DACH2: variants seen among roughly 807,000 people sequenced by gnomAD.
The protein encoded by DACH2 is dachshund homolog 2.
In DACH2, 17 loss-of-function variants were observed where a neutral mutation model predicts 35.8. The ratio of observed to expected loss-of-function variants is 0.48; its 90% CI spans 0.33 to 0.71. The LOEUF (loss-of-function observed/expected upper bound fraction) is 0.71, where lower values mean the gene tolerates loss of function less well. Ranked by LOEUF, DACH2 falls within the 30% of genes least tolerant of loss-of-function variation. The probability of loss-of-function intolerance (pLI) is 0.02; values close to 1 mark genes in which losing one functional copy is unlikely to be tolerated. For synonymous variants in DACH2, 195 were observed against 177.3 expected, an observed-to-expected ratio of 1.10 and a Z score of -0.79; for missense variants, 469 against 472.7, an observed-to-expected ratio of 0.99 and a Z score of 0.07.
chrX:86,423,647 G>T (rs1466080999), intron 2 of DACH2, among the ~76,000 whole-genome samples: 1 of 109,703 alleles, frequency 9.1e-6, no homozygotes, highest in Non-Finnish European at 1.9e-5. Flanking sequence ...TTACTATGCA[G>T]AAGCTTTTTA....
At chrX:86,714,136 G>T (rs1228239000) in intron 5 of DACH2, among the ~76,000 whole-genome samples, 1 of 111,570 alleles carries the variant, frequency 9.0e-6, no homozygotes, top group Non-Finnish European at 1.9e-5. Flanking sequence ...CCTCTATTAA[G>T]TGTCTTAAAG....
chrX:86,756,666 A>G (rs1193856419), intron 7 of DACH2, among the ~76,000 whole-genome samples: 3 of 111,211 alleles, frequency 2.7e-5, no homozygotes, highest in African/African-American at 9.8e-5. Context: ...ATATAAGATT[A>G]TGTCATCTGC....
chrX:86,761,652 GC>G (rs1488661181), intron 7 of DACH2, among the ~76,000 whole-genome samples: 23 of 111,886 alleles, frequency 2.1e-4, no homozygotes, highest in Admixed American at 1.2e-3. Context: ...CAACCCAAGT[GC>G]CCATCAATTA....
intron 3 of DACH2, among the ~76,000 whole-genome samples, chrX:86,617,275 G>A (rs773932207): frequency 5.4e-5 from 6 of 110,292 alleles, no homozygotes; most frequent in Admixed American, 9.7e-5. Flanking sequence ...TGTTCCATAC[G>A]AATTCTAAAA....
chrX:86,195,584 G>A lies in DACH2; in HGVS notation c.488+46476G>A, dbSNP rs756629277. 1.2e-4 allele frequency among the ~76,000 whole-genome samples: 14 copies of A among 112,356 alleles called. No individual in the cohort carries two copies. In the Admixed American group the frequency reaches 1.3e-3, roughly 11 times the overall value. On this transcript the variant is annotated intron_variant, in intron 1 of 11. Coordinates refer to ENST00000373125, the MANE Select transcript of DACH2 (RefSeq NM_053281.3). ...CCACTAGCACCCTGCCACAGCCAAT[G>A]AGCATGCACTCTGCCATGCTACTGC...
chrX:86,274,451 C>CTTTTT (rs1160584218), intron 1 of DACH2, among the ~76,000 whole-genome samples: 11 of 31,314 alleles, frequency 3.5e-4, no homozygotes, highest in African/African-American at 5.6e-4. Context: ...ACATTAAATC[C>CTTTTT]TTTTTTTTTT....
At chrX:86,261,268 T>C (rs1190548422) in intron 1 of DACH2, among the ~76,000 whole-genome samples, 1 of 112,088 alleles carries the variant, frequency 8.9e-6, no homozygotes, top group Non-Finnish European at 1.9e-5. Flanking sequence ...TTAAAACACG[T>C]TTGCAGTGAA....
chrX:86,542,629 C>G (rs1033618083), intron 3 of DACH2, among the ~76,000 whole-genome samples: 1 of 111,538 alleles, frequency 9.0e-6, no homozygotes, highest in Admixed American at 9.6e-5. Context: ...TATCCCAACT[C>G]AAATGTTCTG....
intron 2 of DACH2, among the ~76,000 whole-genome samples, chrX:86,500,642 T>G (rs1336180651): frequency 8.9e-6 from 1 of 111,747 alleles, no homozygotes; most frequent in Non-Finnish European, 1.9e-5. Flanking sequence ...AGGTGATTAA[T>G]CACCAATTTT....
At chrX:86,156,354 T>C (rs986242105) in intron 1 of DACH2, among the ~76,000 whole-genome samples, 3 of 111,626 alleles carry the variant, frequency 2.7e-5, no homozygotes, top group Non-Finnish European at 3.8e-5. Context: ...CAACTATGCA[T>C]ACACATATAC....
intron 1 of DACH2, among the ~76,000 whole-genome samples, chrX:86,242,420 G>A (rs764595610): frequency 2.2e-4 from 25 of 112,063 alleles, no homozygotes; most frequent in South Asian, 1.1e-3. Flanking sequence ...CAATTTCTCC[G>A]TTTTGGAATG....
At chrX:86,707,207 CT>C (rs2041225840) in intron 5 of DACH2, among the ~76,000 whole-genome samples, 1 of 111,265 alleles carries the variant, frequency 9.0e-6, no homozygotes, top group African/African-American at 3.3e-5. Flanking sequence ...CTCAACAACT[CT>C]ATACCCACAA....
intron 2 of DACH2, among the ~76,000 whole-genome samples, chrX:86,441,227 T>A (rs1284115187): frequency 3.6e-5 from 4 of 111,211 alleles, no homozygotes; most frequent in African/African-American, 1.3e-4. Context: ...TATCTAACTA[T>A]ATTGTTATGT....
intron 5 of DACH2, among the ~76,000 whole-genome samples, chrX:86,708,431 G>A (rs1343041201): frequency 9.0e-6 from 1 of 111,429 alleles, no homozygotes; most frequent in African/African-American, 3.3e-5. Flanking sequence ...AGAGATTATA[G>A]TAAGGTTGCA....
At chrX:86,580,624 C>T (rs2039490149) in intron 3 of DACH2, among the ~76,000 whole-genome samples, 1 of 111,214 alleles carries the variant, frequency 9.0e-6, no homozygotes, top group Admixed American at 9.6e-5. Flanking sequence ...ATCAACCAAG[C>T]TGAGGAAAGA....
At chrX:86,166,218 C>A (rs1300955496) in intron 1 of DACH2, among the ~76,000 whole-genome samples, 1 of 111,168 alleles carries the variant, frequency 9.0e-6, no homozygotes. Flanking sequence ...CAGTAACATG[C>A]TGTTTTGGTT....
intron 1 of DACH2, among the ~76,000 whole-genome samples, chrX:86,184,892 CT>C (rs200600521): frequency 2.4e-3 from 266 of 109,596 alleles, no homozygotes; most frequent in African/African-American, 8.1e-3. Flanking sequence ...TAATTTGAAT[CT>C]TTTTTTTTCT....
chrX:86,680,871 C>T (rs754333491), intron 4 of DACH2, among the ~76,000 whole-genome samples: 4 of 110,080 alleles, frequency 3.6e-5, no homozygotes, highest in African/African-American at 1.3e-4. Context: ...CCAGCCTGGT[C>T]TTGACCCCTT....
At chrX:86,760,643 C>G (rs7057474) in intron 7 of DACH2, among the ~76,000 whole-genome samples, 22,748 of 110,863 alleles carry the variant, frequency 0.21, 1,794 homozygotes, top group East Asian at 0.47. Flanking sequence ...CCAGTATTCC[C>G]TTGTATCTCA....
Sources: gnomAD v4.1 joint callset for allele counts (sites outside exome capture counted in the v4.1 genomes callset) on GRCh38, gnomAD v4.1.1 for gene constraint, MANE v1.5 for transcripts, NCBI Gene and HGNC (gene_info 2026-07-23, HGNC 2026-07-21) for gene names.